The following ST6GALNAC3 variants were observed in gnomAD, a reference collection of about 807,000 sequenced individuals.
ST6GALNAC3 encodes the protein alpha-N-acetylgalactosaminide alpha-2,6-sialyltransferase 3.
In ST6GALNAC3, 25 loss-of-function variants were observed where a neutral mutation model predicts 32.7. The ratio of observed to expected loss-of-function variants is 0.76; its 90% CI spans 0.56 to 1.07. The LOEUF is 1.07. Among genes scored for constraint, ST6GALNAC3 ranks in the 50% least tolerant of loss-of-function variants. The probability of loss-of-function intolerance (pLI) is 0.00; values close to 1 mark genes in which losing one functional copy is unlikely to be tolerated. For synonymous variants in ST6GALNAC3, 129 were observed against 133.1 expected (o/e 0.97, Z 0.21); for missense variants, 355 against 382.4 (o/e 0.93, Z 0.60).
intron 3 of ST6GALNAC3, among the ~76,000 whole-genome samples, chr1:76,517,761 A>T (rs920400107): frequency 3.2e-5 from 4 of 123,440 alleles, no homozygotes; most frequent in African/African-American, 1.0e-4. Context: ...ACAGCGACTC[A>T]GTGATTTTAA....
intron 3 of ST6GALNAC3, among the ~76,000 whole-genome samples, chr1:76,607,202 G>C (rs141576894): frequency 6.6e-6 from 1 of 152,312 alleles, no homozygotes; most frequent in African/African-American, 2.4e-5. Context: ...CAAGGGCAAA[G>C]GATGTGAGAA....
At chr1:76,537,222 C>T (rs1302227288) in intron 3 of ST6GALNAC3, among the ~76,000 whole-genome samples, 1 of 152,116 alleles carries the variant, frequency 6.6e-6, no homozygotes, top group Non-Finnish European at 1.5e-5. Flanking sequence ...ATTTGAATGA[C>T]TCCTGATTAA....
chr1:76,373,217 T>C (rs1279698425), intron 2 of ST6GALNAC3, among the ~76,000 whole-genome samples: 4 of 152,186 alleles, frequency 2.6e-5, no homozygotes, highest in Non-Finnish European at 4.4e-5. Context: ...CTCAGGTTGG[T>C]GGCCCAGCAA....
At chr1:76,279,651 C>G (rs1659381975) in intron 1 of ST6GALNAC3, among the ~76,000 whole-genome samples, 1 of 152,130 alleles carries the variant, frequency 6.6e-6, no homozygotes, top group Non-Finnish European at 1.5e-5. Flanking sequence ...GTCGTGTCTG[C>G]CGGCAGCTGC....
chr1:76,152,815 G>A (rs1057096952), intron 1 of ST6GALNAC3, among the ~76,000 whole-genome samples: 6 of 152,242 alleles, frequency 3.9e-5, no homozygotes, highest in Non-Finnish European at 8.8e-5. Flanking sequence ...GGAACATGGA[G>A]AAAAGGTTTA....
intron 2 of ST6GALNAC3, among the ~76,000 whole-genome samples, chr1:76,367,150 T>G (rs1405327185): frequency 6.6e-6 from 1 of 152,220 alleles, no homozygotes; most frequent in Non-Finnish European, 1.5e-5. Flanking sequence ...GGCTCATTAT[T>G]CATGTAATTA....
intron 1 of ST6GALNAC3, among the ~76,000 whole-genome samples, chr1:76,104,786 A>G (rs1228936043): frequency 1.3e-5 from 2 of 152,170 alleles, no homozygotes; most frequent in Non-Finnish European, 2.9e-5. Context: ...ACAGTTCCAC[A>G]GGGCTGGGGA....
In ST6GALNAC3 at chr1:76,631,167, G is replaced by A. The variant is rs898910202; in HGVS notation, c.*2361G>A. The A allele has an allele frequency of 1.4e-4, 54 of 389,974 alleles. No homozygotes were observed. The highest frequency in any genetic ancestry group is 1.1e-3 in the African/African-American group (52 of 45,708). 24.2% of individuals were successfully genotyped at this position (389,974 alleles called of 1,614,324 possible). The stretch of plus-strand genomic sequence containing the variant: ...TATGTAGACTCCAGTGTTTTCTTAG[G>A]AGGGGTGGGAAAGGGCTTTCTTTCC... On this transcript the variant is annotated 3_prime_UTR_variant, in exon 5 of 5. Transcript: ENST00000328299.
intron 1 of ST6GALNAC3, among the ~76,000 whole-genome samples, chr1:76,197,876 C>T (rs1300000561): frequency 6.6e-6 from 1 of 152,130 alleles, no homozygotes; most frequent in Non-Finnish European, 1.5e-5. Context: ...TAGCCTTTGT[C>T]CTAAATACCA....
chr1:76,325,463 A>G (rs1647050193), intron 2 of ST6GALNAC3, among the ~76,000 whole-genome samples: 1 of 152,064 alleles, frequency 6.6e-6, no homozygotes, highest in Non-Finnish European at 1.5e-5. Context: ...GTTTTTTGCA[A>G]GGTAAATTAT....
At chr1:76,254,202 C>G (rs557851696) in intron 1 of ST6GALNAC3, among the ~76,000 whole-genome samples, 1 of 152,202 alleles carries the variant, frequency 6.6e-6, no homozygotes, top group African/African-American at 2.4e-5. Flanking sequence ...TTCCTCTGTT[C>G]TTAGGACAGT....
chr1:76,577,420 T>G, intron 3 of ST6GALNAC3: 1 of 621,500 alleles, frequency 1.6e-6, no homozygotes, highest in Non-Finnish European at 2.0e-6. Flanking sequence ...GATAGTATCT[T>G]GGCTCACTAA....
chr1:76,440,182 G>A (rs1425627880), intron 3 of ST6GALNAC3, among the ~76,000 whole-genome samples: 1 of 152,236 alleles, frequency 6.6e-6, no homozygotes, highest in African/African-American at 2.4e-5. Context: ...AAGCATGGAA[G>A]TATGAAGTGT....
At chr1:76,445,407 T>C (rs1656900770) in intron 3 of ST6GALNAC3, among the ~76,000 whole-genome samples, 6 of 152,212 alleles carry the variant, frequency 3.9e-5, no homozygotes, top group Admixed American at 2.6e-4. Flanking sequence ...GTGATTCTGA[T>C]GCACACTCAA....
intron 1 of ST6GALNAC3, among the ~76,000 whole-genome samples, chr1:76,203,197 G>C (rs1415383885): frequency 1.3e-5 from 2 of 152,110 alleles, no homozygotes; most frequent in Non-Finnish European, 2.9e-5. Flanking sequence ...TTGAGACTCA[G>C]GCAGCACTCA....
At chr1:76,294,454 C>G (rs146110287) in intron 1 of ST6GALNAC3, among the ~76,000 whole-genome samples, 2 of 151,904 alleles carry the variant, frequency 1.3e-5, no homozygotes, top group African/African-American at 4.8e-5. Context: ...CCAAAGAGGA[C>G]TATCATATTG....
intron 1 of ST6GALNAC3, among the ~76,000 whole-genome samples, chr1:76,179,050 A>T (rs1184185602): frequency 6.6e-6 from 1 of 152,038 alleles, no homozygotes; most frequent in Non-Finnish European, 1.5e-5. Context: ...AGCCTTTAGC[A>T]TGTCACCTTT....
chr1:76,208,399 T>C (rs540582731), intron 1 of ST6GALNAC3, among the ~76,000 whole-genome samples: 56 of 152,386 alleles, frequency 3.7e-4, no homozygotes, highest in African/African-American at 1.3e-3. Flanking sequence ...AGCTAAACAT[T>C]TGGTTAGAAG....
At chr1:76,501,980 A>C (rs1237437020) in intron 3 of ST6GALNAC3, among the ~76,000 whole-genome samples, 1 of 152,356 alleles carries the variant, frequency 6.6e-6, no homozygotes, top group Non-Finnish European at 1.5e-5. Flanking sequence ...CGGCTGCAGC[A>C]GCATCAAGCA....
Sources: allele counts gnomAD v4.1 joint callset (sites outside exome capture counted in the v4.1 genomes callset), GRCh38; gene constraint gnomAD v4.1.1; transcripts MANE v1.5; gene names NCBI Gene and HGNC (gene_info 2026-07-23, HGNC 2026-07-21).